THSD7B: variants seen among roughly 807,000 people sequenced by gnomAD.
THSD7B encodes thrombospondin type 1 domain containing 7B.
In THSD7B, 138 loss-of-function variants were observed where a neutral mutation model predicts 213.6. The ratio of observed to expected loss-of-function variants is 0.65; its 90% CI spans 0.56 to 0.74. The LOEUF is 0.74. THSD7B is among the 30% of genes least tolerant of loss of function. The pLI, the probability that THSD7B is intolerant of heterozygous loss-of-function variation, is 0.00. For missense variants in THSD7B, 1,931 were observed against 1,991.5 expected (o/e 0.97, Z 0.58); for synonymous variants, 742 against 687.0 (o/e 1.08, Z -1.25).
chr2:137,554,897 T>C (rs1351761695), intron 15 of THSD7B, among the ~76,000 whole-genome samples: 4 of 152,186 alleles, frequency 2.6e-5, no homozygotes, highest in Admixed American at 2.6e-4. Flanking sequence ...CACCAAATTA[T>C]GTCCCGACCC....
At chr2:137,244,467 G>C (rs1380765570) in intron 10 of THSD7B, among the ~76,000 whole-genome samples, 2 of 152,146 alleles carry the variant, frequency 1.3e-5, no homozygotes, top group African/African-American at 4.8e-5. Context: ...GCCACTGCTA[G>C]TCCACCTATT....
intron 15 of THSD7B, among the ~76,000 whole-genome samples, chr2:137,550,310 T>A (rs904001720): frequency 1.3e-5 from 2 of 152,128 alleles, no homozygotes; most frequent in Non-Finnish European, 1.5e-5. Flanking sequence ...TAGAATATCA[T>A]GCGCTTTATA....
At chr2:137,362,476 A>G (rs1486152450) in intron 12 of THSD7B, among the ~76,000 whole-genome samples, 1 of 152,184 alleles carries the variant, frequency 6.6e-6, no homozygotes, top group East Asian at 1.9e-4. Flanking sequence ...AGTGCGTTGT[A>G]TTCAGGAGAC....
At chr2:137,173,750 G>A (rs1418011707) in intron 7 of THSD7B, among the ~76,000 whole-genome samples, 1 of 152,126 alleles carries the variant, frequency 6.6e-6, no homozygotes, top group African/African-American at 2.4e-5. Flanking sequence ...ATGTGGTCTG[G>A]TTACACTTTT....
At chr2:137,567,002 T>G (rs1347446733) in intron 16 of THSD7B, among the ~76,000 whole-genome samples, 1 of 152,096 alleles carries the variant, frequency 6.6e-6, no homozygotes, top group Non-Finnish European at 1.5e-5. Flanking sequence ...GCAGGAGCCT[T>G]CTTGGCTTAT....
At chr2:137,451,680 A>C (rs1225050639) in intron 15 of THSD7B, among the ~76,000 whole-genome samples, 1 of 152,090 alleles carries the variant, frequency 6.6e-6, no homozygotes, top group African/African-American at 2.4e-5. Flanking sequence ...TTGCCTTTGT[A>C]TATATAACAG....
intron 7 of THSD7B, among the ~76,000 whole-genome samples, chr2:137,220,178 A>G (rs1419243981): frequency 6.6e-6 from 1 of 152,200 alleles, no homozygotes; most frequent in Non-Finnish European, 1.5e-5. Flanking sequence ...TATACAGGAA[A>G]AAGTTAATAA....
intron 10 of THSD7B, among the ~76,000 whole-genome samples, chr2:137,267,666 C>A (rs914866100): frequency 1.3e-5 from 2 of 152,012 alleles, no homozygotes; most frequent in Non-Finnish European, 2.9e-5. Context: ...ATTTTCTTAT[C>A]TGTAAAATGG....
At chr2:137,363,503 A>G (rs527700114) in intron 12 of THSD7B, among the ~76,000 whole-genome samples, 2 of 152,268 alleles carry the variant, frequency 1.3e-5, no homozygotes, top group East Asian at 3.9e-4. Flanking sequence ...AGACTAATAA[A>G]GAAGAAAAGA....
At chr2:137,583,948 T>A (rs1324963824) in intron 17 of THSD7B, among the ~76,000 whole-genome samples, 1 of 152,242 alleles carries the variant, frequency 6.6e-6, no homozygotes, top group East Asian at 1.9e-4. Flanking sequence ...ATTTTCATGA[T>A]ATTGATTCTT....
At chr2:137,624,992 T>A (rs1682595740) in intron 20 of THSD7B, among the ~76,000 whole-genome samples, 1 of 152,152 alleles carries the variant, frequency 6.6e-6, no homozygotes, top group South Asian at 2.1e-4. Context: ...CCCAAAGGAT[T>A]ATAAATCATG....
intron 15 of THSD7B, among the ~76,000 whole-genome samples, chr2:137,487,198 C>G (rs1448372670): frequency 6.8e-6 from 1 of 147,790 alleles, no homozygotes; most frequent in Admixed American, 6.7e-5. Flanking sequence ...GAAACCCCGT[C>G]TCTACTAAAA....
chr2:137,092,645 T>C (rs36070202), intron 3 of THSD7B, among the ~76,000 whole-genome samples: 32,472 of 151,988 alleles, frequency 0.21, 3,767 homozygotes, highest in African/African-American at 0.29. Flanking sequence ...GACTTCTTCT[T>C]TTTTTGTTTT....
chr2:137,671,544 C>T (rs1253586111), intron 27 of THSD7B, among the ~76,000 whole-genome samples: 2 of 152,092 alleles, frequency 1.3e-5, no homozygotes, highest in African/African-American at 2.4e-5. Flanking sequence ...GAGAAACAGG[C>T]ACCTTCTTCA....
chr2:137,543,361 G>A (rs1680643128), intron 15 of THSD7B, among the ~76,000 whole-genome samples: 1 of 151,814 alleles, frequency 6.6e-6, no homozygotes, highest in Non-Finnish European at 1.5e-5. Context: ...TAACACAGGT[G>A]CCAAGGCAAT....
At chr2:136,770,957 A>C (rs1461677870) in intron 1 of THSD7B, among the ~76,000 whole-genome samples, 2 of 152,158 alleles carry the variant, frequency 1.3e-5, no homozygotes, top group Non-Finnish European at 2.9e-5. Context: ...TAAGGATATT[A>C]AGTTCCTTCC....
intron 2 of THSD7B, among the ~76,000 whole-genome samples, chr2:136,938,958 T>G (rs556289780): frequency 1.3e-5 from 2 of 152,296 alleles, no homozygotes; most frequent in African/African-American, 4.8e-5. Context: ...CTATAGAAAT[T>G]AAGACACATC....
chr2:137,562,497 G>A (rs1230222175), intron 15 of THSD7B, among the ~76,000 whole-genome samples: 1 of 151,814 alleles, frequency 6.6e-6, no homozygotes, highest in Admixed American at 6.6e-5. Flanking sequence ...AGTAACCTAA[G>A]AATTCATTTA....
chr2:137,155,672 G>A (rs116715555), intron 5 of THSD7B, among the ~76,000 whole-genome samples: 1 of 152,198 alleles, frequency 6.6e-6, no homozygotes, highest in African/African-American at 2.4e-5. Flanking sequence ...TTGAACTGGA[G>A]CAAATTTTGG....
Sources: allele counts gnomAD v4.1 joint callset (sites outside exome capture counted in the v4.1 genomes callset), GRCh38; gene constraint gnomAD v4.1.1; transcripts MANE v1.5; gene names NCBI Gene and HGNC (gene_info 2026-07-23, HGNC 2026-07-21).